TNIK: variants seen among roughly 807,000 people sequenced by gnomAD.
TNIK encodes the protein TRAF2 and NCK interacting kinase, also known as TRAF2 and NCK-interacting protein kinase.
TNIK carries 49 observed loss-of-function variants against 191.3 expected under a neutral mutation model. That is an observed-to-expected ratio of 0.26 (90% confidence interval 0.20 to 0.32). The LOEUF is 0.32. Among genes scored for constraint, TNIK ranks in the 10% least tolerant of loss-of-function variants. The pLI is 1.00. For synonymous variants in TNIK, 594 were observed against 600.9 expected (o/e 0.99, Z 0.17); for missense variants, 1,155 against 1,702.3 (o/e 0.68, Z 5.66).
Position 171,210,854 on chromosome 3 carries a change from A to G in TNIK, c.306+262T>C, listed in dbSNP as rs868266600. The stretch of plus-strand genomic sequence containing the variant: ...CAATAAAAGGTTGTCAATTAGTGAA[A>G]AAAAAAAAAAAAAACAGAGAACTTA... On this transcript the variant is annotated intron_variant, in intron 4 of 32. Transcript: ENST00000436636. Among the ~76,000 whole-genome samples, 541 of 149,234 alleles carry G rather than the reference A, an allele frequency of 3.6e-3. 1 individual carries two copies. The highest frequency in any genetic ancestry group is 0.015 in the East Asian group (74 of 5,100).
intron 2 of TNIK, among the ~76,000 whole-genome samples, chr3:171,335,680 A>G (rs907633704): frequency 1.3e-5 from 2 of 152,168 alleles, no homozygotes; most frequent in Admixed American, 1.3e-4. Context: ...TTTGATAAGT[A>G]TGTAGATCAT....
At chr3:171,201,824 T>C (rs1739451500) in intron 4 of TNIK, among the ~76,000 whole-genome samples, 1 of 151,690 alleles carries the variant, frequency 6.6e-6, no homozygotes, top group African/African-American at 2.4e-5. Flanking sequence ...ATATATAAAC[T>C]CTTGGCTTCT....
At chr3:171,348,208 C>G (rs1712575001) in intron 2 of TNIK, among the ~76,000 whole-genome samples, 1 of 152,178 alleles carries the variant, frequency 6.6e-6, no homozygotes, top group Non-Finnish European at 1.5e-5. Flanking sequence ...CACAAGTACT[C>G]CCTGGGGCAC....
intron 18 of TNIK, among the ~76,000 whole-genome samples, chr3:171,114,327 C>G (rs969873888): frequency 1.6e-4 from 24 of 152,100 alleles, no homozygotes; most frequent in African/African-American, 5.8e-4. Context: ...TTTGCTCTGC[C>G]CAGTTTAAGA....
chr3:171,332,222 T>C (rs957472352), intron 2 of TNIK, among the ~76,000 whole-genome samples: 2 of 152,226 alleles, frequency 1.3e-5, no homozygotes, highest in Admixed American at 1.3e-4. Flanking sequence ...AAACTTTGTT[T>C]TAAAAGGCCA....
chr3:171,174,389 ATAG>A (rs1422756631), intron 9 of TNIK, among the ~76,000 whole-genome samples: 2 of 152,186 alleles, frequency 1.3e-5, no homozygotes, highest in Non-Finnish European at 2.9e-5. Flanking sequence ...GAGGTCACAA[ATAG>A]TGCAGGAATT....
intron 2 of TNIK, among the ~76,000 whole-genome samples, chr3:171,304,624 T>C (rs1753220876): frequency 2.0e-5 from 3 of 152,104 alleles, no homozygotes; most frequent in Admixed American, 2.0e-4. Flanking sequence ...TGTCCAACCA[T>C]GATAGACTGG....
At chr3:171,211,074 G>T (rs1560268074) in intron 4 of TNIK, 42 bp downstream of exon 4, 2 of 1,599,216 alleles carry the variant, frequency 1.3e-6, no homozygotes, top group Non-Finnish European at 1.7e-6. Context: ...GGCCGTGTTT[G>T]TTTTTTATGT....
Position 171,172,319 on chromosome 3 carries a change from G to A in TNIK, c.773+2933C>T, listed in dbSNP as rs1010164424. ...ACACTGAGAACAAGGCATTTAACCC[G>A]GTAACTCATTTAGGTAGAGAATAGC... On this transcript the variant is annotated intron_variant, in intron 9 of 32. Coordinates refer to ENST00000436636, the MANE Select transcript of TNIK (RefSeq NM_015028.4). 3.3e-5 allele frequency among the ~76,000 whole-genome samples: 5 copies of A among 151,980 alleles called. No individual in the cohort carries two copies. In the South Asian group the frequency reaches 6.2e-4, roughly 19 times the overall value.
intron 3 of TNIK, among the ~76,000 whole-genome samples, chr3:171,224,856 GA>G (rs1242552163): frequency 1.3e-5 from 2 of 152,136 alleles, no homozygotes; most frequent in Non-Finnish European, 2.9e-5. Flanking sequence ...GGCCTACTCT[GA>G]GTTTAAGCAC....
At chr3:171,116,946 C>A (rs1726800905) in intron 18 of TNIK, among the ~76,000 whole-genome samples, 1 of 152,178 alleles carries the variant, frequency 6.6e-6, no homozygotes, top group South Asian at 2.1e-4. Flanking sequence ...CAATTCCCAG[C>A]TACATATGCA....
At chr3:171,308,337 T>C (rs138178350) in intron 2 of TNIK, among the ~76,000 whole-genome samples, 2 of 152,286 alleles carry the variant, frequency 1.3e-5, no homozygotes, top group African/African-American at 4.8e-5. Flanking sequence ...GGATTCCCTA[T>C]ACAATAAATG....
intron 3 of TNIK, among the ~76,000 whole-genome samples, chr3:171,213,839 G>C (rs1741151073): frequency 6.6e-6 from 1 of 151,980 alleles, no homozygotes; most frequent in South Asian, 2.1e-4. Context: ...TGGACCCTAA[G>C]TTTTCTCATT....
In TNIK at chr3:171,214,987, TG is replaced by T. The variant is rs201893463; in HGVS notation, c.181-3747del. Among the ~76,000 whole-genome samples, 796 of 152,298 alleles carry T rather than the reference TG, an allele frequency of 5.2e-3. 6 individuals carry two copies. Among genetic ancestry groups the T allele is most frequent in the Admixed American group, 0.012 (191 of 15,294 alleles). ...AAATGGCCATGATATGTGTCCCACCTGCATCAAGAGGTGGAGTCCATTTCTC... is the reference window on the plus strand; with the variant it reads ...AAATGGCCATGATATGTGTCCCACCTCATCAAGAGGTGGAGTCCATTTCTC... On this transcript the variant is annotated intron_variant, in intron 3 of 32. Transcript: ENST00000436636.
At chr3:171,441,371 A>C (rs960632343) in intron 1 of TNIK, among the ~76,000 whole-genome samples, 3 of 152,178 alleles carry the variant, frequency 2.0e-5, no homozygotes, top group Non-Finnish European at 4.4e-5. Flanking sequence ...GTAGATTTGC[A>C]TTTTCTAGAC....
intron 12 of TNIK, among the ~76,000 whole-genome samples, chr3:171,147,705 T>G (rs1159595630): frequency 6.6e-6 from 1 of 152,220 alleles, no homozygotes; most frequent in Non-Finnish European, 1.5e-5. Context: ...ACTCATTTAA[T>G]TCTCACCAGA....
intron 23 of TNIK, among the ~76,000 whole-genome samples, chr3:171,091,475 G>T (rs1456477213): frequency 6.6e-6 from 1 of 152,092 alleles, no homozygotes; most frequent in African/African-American, 2.4e-5. Flanking sequence ...GGGCGTGGTA[G>T]CTCACGCCTG....
At chr3:171,278,349 T>C (rs1425610109) in intron 2 of TNIK, among the ~76,000 whole-genome samples, 1 of 152,172 alleles carries the variant, frequency 6.6e-6, no homozygotes, top group African/African-American at 2.4e-5. Flanking sequence ...CACATAACAA[T>C]GAATTTCTGC....
chr3:171,424,903 C>A (rs1368852250), intron 1 of TNIK, among the ~76,000 whole-genome samples: 1 of 151,038 alleles, frequency 6.6e-6, no homozygotes, highest in Non-Finnish European at 1.5e-5. Flanking sequence ...TTAATGGGTG[C>A]AGCACACCAA....
Sources: allele counts gnomAD v4.1 joint callset (sites outside exome capture counted in the v4.1 genomes callset), GRCh38; gene constraint gnomAD v4.1.1; transcripts MANE v1.5; gene names NCBI Gene and HGNC (gene_info 2026-07-23, HGNC 2026-07-21).